Variants in ASTN1 observed in about 807,000 individuals in gnomAD.
ASTN1 encodes astrotactin-1.
ASTN1 carries 41 observed loss-of-function variants against 140.7 expected under a neutral mutation model. The ratio of observed to expected loss-of-function variants is 0.29; its 90% CI spans 0.23 to 0.38. The LOEUF is 0.38. Ranked by LOEUF, ASTN1 falls within the 10% of genes least tolerant of loss-of-function variation. The pLI is 1.00. For missense variants in ASTN1, 1,479 were observed against 1,678.8 expected (o/e 0.88, Z 2.08); for synonymous variants, 640 against 652.2 (o/e 0.98, Z 0.29).
intron 21 of ASTN1, among the ~76,000 whole-genome samples, chr1:176,870,796 G>A (rs1416211228): frequency 1.3e-5 from 2 of 152,164 alleles, no homozygotes; most frequent in Admixed American, 1.3e-4. Flanking sequence ...AAATAAAGAA[G>A]ATAGTGATTT....
At chr1:176,972,033 T>G (rs189919179) in intron 8 of ASTN1, among the ~76,000 whole-genome samples, 1 of 152,324 alleles carries the variant, frequency 6.6e-6, no homozygotes, top group East Asian at 1.9e-4. Context: ...CTATATAGTA[T>G]AACCTATTGC....
At chr1:176,887,748 T>C (rs1330250749) in intron 18 of ASTN1, among the ~76,000 whole-genome samples, 1 of 151,920 alleles carries the variant, frequency 6.6e-6, no homozygotes, top group Admixed American at 6.6e-5. Context: ...CCCATTGTCT[T>C]CTAGTTATGC....
At chr1:176,954,826 A>G (rs558853687) in intron 11 of ASTN1, among the ~76,000 whole-genome samples, 223 of 152,304 alleles carry the variant, frequency 1.5e-3, no homozygotes, top group Middle Eastern at 3.4e-3. Context: ...TGGTTTGTAC[A>G]GGTCTGTGCC....
chr1:177,064,523 G>T (rs949459733), intron 1 of ASTN1, among the ~76,000 whole-genome samples: 1 of 152,170 alleles, frequency 6.6e-6, no homozygotes, highest in Admixed American at 6.5e-5. Flanking sequence ...GGAAGAACAG[G>T]TACAGTGAAG....
chr1:177,028,631 C>T (rs1301178934), intron 5 of ASTN1, among the ~76,000 whole-genome samples: 1 of 152,142 alleles, frequency 6.6e-6, no homozygotes, highest in Non-Finnish European at 1.5e-5. Context: ...CTCAAATATC[C>T]TCTACTGTAT....
chr1:177,028,365 A>G (rs536689843), intron 5 of ASTN1, among the ~76,000 whole-genome samples: 2 of 152,302 alleles, frequency 1.3e-5, no homozygotes, highest in Admixed American at 1.3e-4. Context: ...TGGCCATTCA[A>G]TATTAGAATA....
chr1:176,884,396 A>G lies in ASTN1; in HGVS notation c.3169T>C (p.Tyr1057His). ...GTGACTTTCTCTTGACGGAGGAGGT[A>G]ATCTACAATCTGCACCCCGATTGGT... ...EPPIGVQIVDYLLRQEKVTDR... is the reference protein window; with the variant it reads ...EPPIGVQIVDHLLRQEKVTDR... Residue 1057 changes from tyrosine (Y) to histidine (H), a missense_variant, in exon 19 of 23, where the codon TAC becomes CAC. Tyr to His is a moderately conservative substitution (Grantham distance 83, BLOSUM62 2). Transcript: ENST00000361833. The G allele has an allele frequency of 6.2e-7, 1 of 1,614,194 alleles. No homozygotes were observed. The highest frequency in any genetic ancestry group is 8.5e-7 in the Non-Finnish European group (1 of 1,180,028).
chr1:176,988,717 A>G (rs1228688701), intron 8 of ASTN1, among the ~76,000 whole-genome samples: 1 of 152,176 alleles, frequency 6.6e-6, no homozygotes, highest in Non-Finnish European at 1.5e-5. Flanking sequence ...AACTTTTCAG[A>G]GCTGTGTTTA....
At chr1:177,101,405 T>C (rs941226245) in intron 1 of ASTN1, among the ~76,000 whole-genome samples, 3 of 152,204 alleles carry the variant, frequency 2.0e-5, no homozygotes, top group Non-Finnish European at 2.9e-5. Context: ...CTCAATAACA[T>C]GAACAAAATT....
chr1:177,145,180 A>G (rs1176343019), intron 1 of ASTN1, among the ~76,000 whole-genome samples: 1 of 152,224 alleles, frequency 6.6e-6, no homozygotes, highest in African/African-American at 2.4e-5. Context: ...AAATGAAGGT[A>G]AAAACATCTT....
intron 7 of ASTN1, among the ~76,000 whole-genome samples, chr1:177,018,143 G>A (rs199968469): frequency 3.2e-5 from 1 of 31,362 alleles, no homozygotes; most frequent in Non-Finnish European, 8.4e-5. Context: ...CAGAGACATC[G>A]AAAGGAGGCA....
intron 16 of ASTN1, 79 bp from the exon 17 acceptor site, chr1:176,894,909 T>C: frequency 7.0e-6 from 11 of 1,561,256 alleles, no homozygotes; most frequent in Non-Finnish European, 9.6e-6. Flanking sequence ...CCCTGAGTGC[T>C]GGGGTCCAAT....
At chr1:177,065,210 T>C (rs1323649789) in intron 1 of ASTN1, among the ~76,000 whole-genome samples, 3 of 152,100 alleles carry the variant, frequency 2.0e-5, no homozygotes, top group Non-Finnish European at 4.4e-5. Context: ...GGAGCACCAA[T>C]GGCATCATCA....
chr1:176,901,408 T>A (rs1305216208), intron 16 of ASTN1, among the ~76,000 whole-genome samples: 1 of 152,138 alleles, frequency 6.6e-6, no homozygotes, highest in Non-Finnish European at 1.5e-5. Flanking sequence ...GCCAATAATG[T>A]CACAAAGTGG....
intron 1 of ASTN1, among the ~76,000 whole-genome samples, chr1:177,163,429 A>C (rs1314853997): frequency 6.6e-6 from 1 of 152,192 alleles, no homozygotes; most frequent in Non-Finnish European, 1.5e-5. Context: ...GCTTTGCAAG[A>C]TACTAGAGCA....
Position 177,034,596 on chromosome 1 carries a change from A to AC in ASTN1, c.472-1748dup, listed in dbSNP as rs944059338. Among the ~76,000 whole-genome samples the AC allele has an allele frequency of 2.6e-5, 4 of 151,584 alleles. 1 individual carries two copies. Among genetic ancestry groups the AC allele is most frequent in the African/African-American group, 4.9e-5 (2 of 41,200 alleles). On this transcript the variant is annotated intron_variant, in intron 2 of 22. Transcript: ENST00000361833. ...CAGACACACACACAGAGCTCCTGGG[A>AC]CCCCCCAGAACACTGCCTAGAAGAC...
At chr1:176,914,708 G>A (rs147547539) in intron 16 of ASTN1, among the ~76,000 whole-genome samples, 63 of 152,222 alleles carry the variant, frequency 4.1e-4, no homozygotes, top group Admixed American at 7.9e-4. Flanking sequence ...TGAATGAATC[G>A]TAGACCGGAG....
At chr1:177,125,437 G>A (rs1443721825) in intron 1 of ASTN1, among the ~76,000 whole-genome samples, 3 of 152,132 alleles carry the variant, frequency 2.0e-5, no homozygotes, top group Non-Finnish European at 4.4e-5. Context: ...AATAGATGAA[G>A]TATTGACAAA....
intron 1 of ASTN1, among the ~76,000 whole-genome samples, chr1:177,152,545 T>G (rs1683084726): frequency 6.6e-6 from 1 of 151,998 alleles, no homozygotes; most frequent in African/African-American, 2.4e-5. Flanking sequence ...AAAAAAACTT[T>G]AAAATTCTAC....
Sources: allele counts gnomAD v4.1 joint callset (sites outside exome capture counted in the v4.1 genomes callset), GRCh38; gene constraint gnomAD v4.1.1; transcripts MANE v1.5; gene names NCBI Gene and HGNC (gene_info 2026-07-23, HGNC 2026-07-21).